The following LRP1B variants were observed in gnomAD, a reference collection of about 807,000 sequenced individuals.
The protein encoded by LRP1B is low-density lipoprotein receptor-related protein 1B.
A neutral mutation model predicts 556.6 loss-of-function variants in LRP1B; 217 were observed. That is an observed-to-expected ratio of 0.39 (90% confidence interval 0.35 to 0.44). The LOEUF is 0.44. Ranked by LOEUF, LRP1B falls within the 20% of genes least tolerant of loss-of-function variation. The pLI is 1.00. For missense variants in LRP1B, 5,053 were observed against 5,620.8 expected (o/e 0.90, Z 3.23); for synonymous variants, 2,047 against 1,865.8 (o/e 1.10, Z -2.50).
intron 2 of LRP1B, among the ~76,000 whole-genome samples, chr2:141,776,614 GAT>G (rs1695084577): frequency 6.6e-6 from 1 of 152,122 alleles, no homozygotes; most frequent in Admixed American, 6.6e-5. Context: ...CCATAGTGAT[GAT>G]GGCTTCATAA....
chr2:141,386,953 C>T (rs1051333209), intron 3 of LRP1B, among the ~76,000 whole-genome samples: 5 of 151,786 alleles, frequency 3.3e-5, no homozygotes, highest in Non-Finnish European at 7.4e-5. Context: ...GTATGTAATG[C>T]CAAAAAGCAA....
At chr2:141,121,299 T>C (rs1701042115) in intron 7 of LRP1B, among the ~76,000 whole-genome samples, 1 of 152,094 alleles carries the variant, frequency 6.6e-6, no homozygotes, top group African/African-American at 2.4e-5. Context: ...GTAGACTATG[T>C]ATGAGGATTT....
intron 21 of LRP1B, among the ~76,000 whole-genome samples, chr2:140,920,717 G>A (rs1391726425): frequency 1.3e-5 from 2 of 151,966 alleles, no homozygotes; most frequent in African/African-American, 4.8e-5. Context: ...CCAAAACACA[G>A]ATCAGATTAG....
intron 6 of LRP1B, among the ~76,000 whole-genome samples, chr2:141,220,651 CGACA>C (rs1277385571): frequency 6.9e-4 from 102 of 147,042 alleles, no homozygotes; most frequent in African/African-American, 2.3e-3. Context: ...AAAATGTTAA[CGACA>C]GACAGAGAGA....
At chr2:141,448,586 T>C (rs1681286769) in intron 3 of LRP1B, among the ~76,000 whole-genome samples, 1 of 152,184 alleles carries the variant, frequency 6.6e-6, no homozygotes, top group South Asian at 2.1e-4. Flanking sequence ...AAGCGTAGTA[T>C]CTGGGCCGGA....
intron 41 of LRP1B, among the ~76,000 whole-genome samples, chr2:140,640,179 T>C (rs1048336936): frequency 2.9e-4 from 44 of 150,742 alleles, no homozygotes; most frequent in African/African-American, 1.1e-3. Flanking sequence ...ATTTTTTTTG[T>C]ATTTTTAGTA....
intron 2 of LRP1B, among the ~76,000 whole-genome samples, chr2:141,704,963 T>C (rs1366144820): frequency 6.6e-6 from 1 of 151,996 alleles, no homozygotes; most frequent in Non-Finnish European, 1.5e-5. Flanking sequence ...ATCTTATAGG[T>C]TACTGGTTAT....
At chr2:141,759,511 A>T (rs1384312738) in intron 2 of LRP1B, among the ~76,000 whole-genome samples, 1 of 152,198 alleles carries the variant, frequency 6.6e-6, no homozygotes, top group Non-Finnish European at 1.5e-5. Flanking sequence ...AGCATATTAG[A>T]AAGTGGAAAT....
At chr2:140,239,289 T>G (rs1386936256) in intron 88 of LRP1B, among the ~76,000 whole-genome samples, 153 bp downstream of exon 88, 3 of 150,784 alleles carry the variant, frequency 2.0e-5, no homozygotes, top group African/African-American at 7.3e-5. Flanking sequence ...TTATAATCAC[T>G]TAAAAGAGAG....
rs140414722 is a variant in LRP1B, at chr2:141,415,101, G to A, written c.343+65295C>T. On this transcript the variant is annotated intron_variant, in intron 3 of 90. Coordinates refer to ENST00000389484, the MANE Select transcript of LRP1B (RefSeq NM_018557.3). ...GCTATCTTGGCTCACTGCAAACTCC[G>A]CCTCCCGGGTTCACGCCATTCTCCT... 5.0e-3 allele frequency among the ~76,000 whole-genome samples: 757 copies of A among 152,256 alleles called. 9 individuals carry two copies. The highest frequency in any genetic ancestry group is 0.017 in the African/African-American group (719 of 41,544).
intron 35 of LRP1B, among the ~76,000 whole-genome samples, chr2:140,722,400 T>C (rs1218296967): frequency 6.6e-6 from 1 of 152,192 alleles, no homozygotes; most frequent in East Asian, 1.9e-4. Flanking sequence ...AGATAGGGTT[T>C]ATTTTAATGC....
intron 1 of LRP1B, among the ~76,000 whole-genome samples, chr2:142,062,793 T>A (rs1399137672): frequency 6.6e-6 from 1 of 151,772 alleles, no homozygotes; most frequent in Non-Finnish European, 1.5e-5. Context: ...CAAAAACAAA[T>A]ATGGTTTAGA....
intron 84 of LRP1B, among the ~76,000 whole-genome samples, chr2:140,292,513 C>T (rs1036205042): frequency 2.0e-5 from 3 of 152,116 alleles, no homozygotes; most frequent in South Asian, 2.1e-4. Flanking sequence ...TGCTGTTCCC[C>T]TTTGCTGCTT....
intron 51 of LRP1B, among the ~76,000 whole-genome samples, chr2:140,510,603 T>C (rs1400704568): frequency 6.6e-6 from 1 of 152,190 alleles, no homozygotes; most frequent in Non-Finnish European, 1.5e-5. Context: ...GGGAGTCCTC[T>C]GGATCCTAAG....
At chr2:141,609,220 C>T (rs1484062834) in intron 2 of LRP1B, among the ~76,000 whole-genome samples, 1 of 152,088 alleles carries the variant, frequency 6.6e-6, no homozygotes. Flanking sequence ...AAGTTACCAA[C>T]ATAATTGGCA....
intron 2 of LRP1B, among the ~76,000 whole-genome samples, chr2:141,640,957 T>C (rs1356329122): frequency 2.6e-5 from 4 of 152,182 alleles, no homozygotes; most frequent in African/African-American, 9.6e-5. Context: ...CTTTGTATCC[T>C]TGGGGCCTGC....
At position 141,126,587 on chromosome 2, in the gene LRP1B, T is replaced by G. The variant is rs567305932; in HGVS notation, c.1013+61834A>C. 2.0e-5 allele frequency among the ~76,000 whole-genome samples: 3 copies of G among 152,280 alleles called. No homozygotes were observed. The South Asian group carries it at 6.2e-4, about 32-fold the overall frequency. On this transcript the variant is annotated intron_variant, in intron 7 of 90. Transcript: ENST00000389484. ...CTTACTCAGTCCCCAAAACTTTTTC[T>G]GCTTCATTCTTCATGATGTTACTGC...
chr2:140,936,512 C>T (rs1462799567), intron 20 of LRP1B, among the ~76,000 whole-genome samples: 1 of 151,878 alleles, frequency 6.6e-6, no homozygotes, highest in African/African-American at 2.4e-5. Context: ...AGTTCCTTAC[C>T]ACTAGACCTT....
chr2:141,804,081 C>T (rs1401304258), intron 2 of LRP1B, among the ~76,000 whole-genome samples: 4 of 152,014 alleles, frequency 2.6e-5, no homozygotes, highest in Non-Finnish European at 5.9e-5. Context: ...AGTGATCACT[C>T]CCAAAGCCAG....
Sources: allele counts gnomAD v4.1 joint callset (sites outside exome capture counted in the v4.1 genomes callset), GRCh38; gene constraint gnomAD v4.1.1; transcripts MANE v1.5; gene names NCBI Gene and HGNC (gene_info 2026-07-23, HGNC 2026-07-21).